Variants in BACH2 observed in about 807,000 individuals in gnomAD.
BACH2 encodes the protein BACH transcriptional regulator 2, also known as transcription regulator protein BACH2.
BACH2 carries 5 observed loss-of-function variants against 61.8 expected under a neutral mutation model. The observed-to-expected ratio is 0.08, with a 90% confidence interval of 0.04 to 0.17. BACH2 has a LOEUF of 0.17. Ranked by LOEUF, BACH2 falls within the 10% of genes least tolerant of loss-of-function variation. The probability of loss-of-function intolerance (pLI) is 1.00; values close to 1 mark genes in which losing one functional copy is unlikely to be tolerated. For missense variants in BACH2, 824 were observed against 1,091.1 expected, an observed-to-expected ratio of 0.76 and a Z score of 3.45; for synonymous variants, 446 against 440.1, an observed-to-expected ratio of 1.01 and a Z score of -0.17.
chr6:90,022,910 T>C (rs1383303189), intron 5 of BACH2, among the ~76,000 whole-genome samples: 4 of 152,222 alleles, frequency 2.6e-5, no homozygotes, highest in African/African-American at 7.2e-5. Context: ...ACAGAAACTC[T>C]GTATAAAGAG....
intron 6 of BACH2, among the ~76,000 whole-genome samples, chr6:89,983,942 G>A (rs1173933283): frequency 2.0e-5 from 3 of 152,182 alleles, no homozygotes; most frequent in South Asian, 2.1e-4. Context: ...TGCTTAGTCC[G>A]TTGCAACAAC....
chr6:90,216,805 G>T (rs752631304), intron 3 of BACH2, among the ~76,000 whole-genome samples: 1 of 152,040 alleles, frequency 6.6e-6, no homozygotes, highest in African/African-American at 2.4e-5. Context: ...AGACATTTTT[G>T]GTTGTCATGA....
intron 1 of BACH2, among the ~76,000 whole-genome samples, chr6:90,279,472 G>A (rs1254582994): frequency 6.8e-6 from 1 of 147,602 alleles, no homozygotes; most frequent in South Asian, 2.1e-4. Context: ...GCAGTGAGCC[G>A]AGATCATGCC....
At chr6:90,141,241 C>T (rs1251600130) in intron 4 of BACH2, among the ~76,000 whole-genome samples, 2 of 152,092 alleles carry the variant, frequency 1.3e-5, no homozygotes, top group African/African-American at 2.4e-5. Context: ...AGTGCAGGGG[C>T]GTGATCTCGG....
chr6:90,222,249 C>T (rs1231732780), intron 3 of BACH2, among the ~76,000 whole-genome samples: 1 of 152,128 alleles, frequency 6.6e-6, no homozygotes, highest in African/African-American at 2.4e-5. Context: ...CCTTATTTTG[C>T]AGGCAGTGCA....
chr6:89,951,040 G>A lies in BACH2; in HGVS notation c.1066C>T (p.Leu356=), dbSNP rs1269396312. ...AAGTGCTGCTGAGATGTACTGGGCA[G>A]GCCAGACAGCTCCACACTTTTCGTT... ...SITKSVELSG[L]PSTSQQHFAR... is the part of the protein sequence containing the mutation. The change falls in exon 7 of 9, where the codon CTG becomes TTG. Residue 356 remains leucine, a synonymous_variant. Coordinates refer to ENST00000257749, the MANE Select transcript of BACH2 (RefSeq NM_021813.4). The surrounding 1 kb of genome is among the most constrained non-coding windows in gnomAD (Gnocchi z 6.4). 1 of 1,609,732 alleles carries A rather than the reference G, an allele frequency of 6.2e-7. No homozygotes were observed. The highest frequency in any genetic ancestry group is 1.3e-5 in the African/African-American group (1 of 74,952).
At chr6:90,082,055 C>T (rs1004334592) in intron 5 of BACH2, among the ~76,000 whole-genome samples, 1 of 152,098 alleles carries the variant, frequency 6.6e-6, no homozygotes, top group Non-Finnish European at 1.5e-5. Context: ...CACAAGAAGG[C>T]ATATATTTGA....
intron 4 of BACH2, among the ~76,000 whole-genome samples, chr6:90,196,867 C>A (rs1440775031): frequency 6.6e-6 from 1 of 150,776 alleles, no homozygotes; most frequent in African/African-American, 2.4e-5. Flanking sequence ...AAAAGAAAAC[C>A]AAATAAACCA....
At chr6:89,956,951 C>G (rs1774458726) in intron 6 of BACH2, among the ~76,000 whole-genome samples, 1 of 152,144 alleles carries the variant, frequency 6.6e-6, no homozygotes, top group Non-Finnish European at 1.5e-5. Flanking sequence ...TTCTCAAGGT[C>G]CCTTAATCAC....
At chr6:90,001,727 T>C (rs1019944180) in intron 6 of BACH2, among the ~76,000 whole-genome samples, 5 of 152,156 alleles carry the variant, frequency 3.3e-5, no homozygotes, top group African/African-American at 1.2e-4. Flanking sequence ...AGCAGAGTCC[T>C]CACCTCACAT....
chr6:90,164,340 A>T lies in BACH2; in HGVS notation c.-162+42229T>A, dbSNP rs150201570. On this transcript the variant is annotated intron_variant, in intron 4 of 8. Transcript: ENST00000257749. Reference sequence around the variant, plus strand: ...GAAATGGATAAATTCCTCGACACAGACACCCTCCCAAGACTAAACCAGGAA... The same window carrying T: ...GAAATGGATAAATTCCTCGACACAGTCACCCTCCCAAGACTAAACCAGGAA... 3.4e-3 allele frequency among the ~76,000 whole-genome samples: 515 copies of T among 152,326 alleles called. 9 individuals are homozygous for T. Among genetic ancestry groups the T allele is most frequent in the South Asian group, 0.034 (162 of 4,824 alleles).
intron 4 of BACH2, among the ~76,000 whole-genome samples, chr6:90,158,539 G>A (rs185768247): frequency 1.6e-4 from 24 of 152,216 alleles, no homozygotes; most frequent in Admixed American, 1.0e-3. Flanking sequence ...GCTAGGAAAG[G>A]GACATCAGGA....
intron 5 of BACH2, among the ~76,000 whole-genome samples, chr6:90,066,316 T>C (rs949827742): frequency 2.6e-5 from 4 of 151,922 alleles, no homozygotes; most frequent in African/African-American, 4.8e-5. Context: ...AAGAATGAGA[T>C]TGGGGTAAGT....
intron 3 of BACH2, among the ~76,000 whole-genome samples, chr6:90,212,375 A>G (rs893204212): frequency 6.6e-6 from 1 of 152,100 alleles, no homozygotes; most frequent in African/African-American, 2.4e-5. Flanking sequence ...AGAAGAGGCA[A>G]GAGGAACAGA....
intron 4 of BACH2, among the ~76,000 whole-genome samples, chr6:90,164,710 C>T (rs9800845): frequency 0.035 from 5,323 of 152,228 alleles, 136 homozygotes; most frequent in East Asian, 0.089. Flanking sequence ...AAAAGCTTAT[C>T]CACCATGATC....
intron 4 of BACH2, among the ~76,000 whole-genome samples, chr6:90,135,093 C>A (rs1338855702): frequency 6.6e-6 from 1 of 152,202 alleles, no homozygotes; most frequent in Non-Finnish European, 1.5e-5. Context: ...ACCTCCCTGG[C>A]AGCATGCTAA....
At chr6:90,249,476 T>C (rs1035640092) in intron 3 of BACH2, among the ~76,000 whole-genome samples, 30 of 152,070 alleles carry the variant, frequency 2.0e-4, no homozygotes, top group Non-Finnish European at 2.8e-4. Flanking sequence ...TTTCAATACA[T>C]ATCATAAAAA....
At position 90,040,778 on chromosome 6, in the gene BACH2, CAT is replaced by C. The variant is rs146044361; in HGVS notation, c.-12-31924_-12-31923del. Among the ~76,000 whole-genome samples the C allele has an allele frequency of 6.4e-3, 967 of 151,190 alleles. 50 individuals carry two copies. In the East Asian group the frequency reaches 0.14, roughly 22 times the overall value. On this transcript the variant is annotated intron_variant, in intron 5 of 8. Coordinates refer to ENST00000257749, the MANE Select transcript of BACH2 (RefSeq NM_021813.4). ...TCAATTCCTATATTTATACACATTA[CAT>C]ATATATATATACACATGTGTATATA... is the stretch of plus-strand genomic sequence containing the variant.
intron 4 of BACH2, among the ~76,000 whole-genome samples, chr6:90,154,200 T>C (rs1784915135): frequency 6.6e-6 from 1 of 152,038 alleles, no homozygotes; most frequent in African/African-American, 2.4e-5. Context: ...CAGGTTCCAT[T>C]GGCAAAAAAG....
Sources: gnomAD v4.1 joint callset for allele counts (sites outside exome capture counted in the v4.1 genomes callset) on GRCh38, gnomAD v4.1.1 for gene constraint, Gnocchi (gnomAD v3.1) non-coding constraint, MANE v1.5 for transcripts, NCBI Gene and HGNC (gene_info 2026-07-23, HGNC 2026-07-21) for gene names.